Variants in DCLK1 observed in about 807,000 individuals in gnomAD.
DCLK1 encodes serine/threonine-protein kinase DCLK1.
In DCLK1, 16 loss-of-function variants were observed where a neutral mutation model predicts 86.2. The observed-to-expected ratio is 0.19, with a 90% CI of 0.13 to 0.28. The LOEUF (loss-of-function observed/expected upper bound fraction) is 0.28. Among genes scored for constraint, DCLK1 ranks in the 10% least tolerant of loss-of-function variants. DCLK1 has a pLI of 1.00. For missense variants in DCLK1, 590 were observed against 940.2 expected, an observed-to-expected ratio of 0.63 and a Z score of 4.87; for synonymous variants, 369 against 370.5, an observed-to-expected ratio of 1.00 and a Z score of 0.05.
At chr13:36,106,897 CAA>C (rs896750163) in intron 3 of DCLK1, among the ~76,000 whole-genome samples, 1 of 152,044 alleles carries the variant, frequency 6.6e-6, no homozygotes, top group Non-Finnish European at 1.5e-5. Context: ...ACTCTAAACC[CAA>C]GAGTCGACCA....
chr13:36,032,734 G>A (rs957261838), intron 3 of DCLK1, among the ~76,000 whole-genome samples: 8 of 152,126 alleles, frequency 5.3e-5, no homozygotes, highest in Non-Finnish European at 1.0e-4. Flanking sequence ...CCCCGGGAGC[G>A]GCCGTCGATG....
chr13:35,915,267 G>C (rs1875338572), intron 4 of DCLK1, among the ~76,000 whole-genome samples: 1 of 152,212 alleles, frequency 6.6e-6, no homozygotes, highest in African/African-American at 2.4e-5. Context: ...GAACCATGCT[G>C]AAGAGAATAA....
chr13:35,930,849 G>A (rs1435505987), intron 4 of DCLK1, among the ~76,000 whole-genome samples: 1 of 152,166 alleles, frequency 6.6e-6, no homozygotes, highest in Non-Finnish European at 1.5e-5. Flanking sequence ...ACTTCAATGA[G>A]TCAAACATTT....
chr13:35,794,205 C>T (rs1228957407), intron 15 of DCLK1, among the ~76,000 whole-genome samples: 1 of 152,170 alleles, frequency 6.6e-6, no homozygotes, highest in African/African-American at 2.4e-5. Context: ...CCACCACTTA[C>T]TAGAGTTCAT....
intron 2 of DCLK1, among the ~76,000 whole-genome samples, chr13:36,121,987 A>C (rs966763103): frequency 6.6e-6 from 1 of 152,208 alleles, no homozygotes; most frequent in Admixed American, 6.5e-5. Context: ...AAGAAAAAGA[A>C]ACTAGTAAAG....
intron 10 of DCLK1, among the ~76,000 whole-genome samples, 155 bp from the exon 11 acceptor site, chr13:35,823,030 G>A (rs1043243771): frequency 9.2e-5 from 14 of 152,096 alleles, no homozygotes; most frequent in Non-Finnish European, 2.1e-4. Flanking sequence ...TCAAAGGCTC[G>A]AAGGCTGAAT....
chr13:35,930,227 C>T (rs925354846), intron 4 of DCLK1, among the ~76,000 whole-genome samples: 1 of 152,198 alleles, frequency 6.6e-6, no homozygotes, highest in Non-Finnish European at 1.5e-5. Context: ...CCCAAGAATA[C>T]TTGACATGCA....
chr13:36,055,423 C>G (rs960482596), intron 3 of DCLK1, among the ~76,000 whole-genome samples: 20 of 152,276 alleles, frequency 1.3e-4, no homozygotes, highest in Admixed American at 2.6e-4. Flanking sequence ...GCTGACTATT[C>G]CTAACCAGCT....
chr13:36,075,868 C>A (rs535040110), intron 3 of DCLK1, among the ~76,000 whole-genome samples: 102 of 151,908 alleles, frequency 6.7e-4, no homozygotes, highest in African/African-American at 2.0e-3. Context: ...AACACACACA[C>A]AAAAAAATTA....
intron 15 of DCLK1, among the ~76,000 whole-genome samples, chr13:35,797,496 C>T (rs1027703818): frequency 6.6e-6 from 1 of 152,140 alleles, no homozygotes; most frequent in African/African-American, 2.4e-5. Flanking sequence ...CTTTAAATTC[C>T]AGTGAAGGTT....
At chr13:35,840,355 G>A (rs1869704180) in intron 6 of DCLK1, among the ~76,000 whole-genome samples, 2 of 152,058 alleles carry the variant, frequency 1.3e-5, no homozygotes, top group Non-Finnish European at 2.9e-5. Flanking sequence ...TAATAGAGTT[G>A]GGGAAATGCT....
chr13:36,111,730 G>T (rs1044414780), intron 3 of DCLK1, 139 bp downstream of exon 3: 3 of 674,164 alleles, frequency 4.4e-6, no homozygotes, highest in African/African-American at 1.8e-5. Flanking sequence ...CTGTTCTAGG[G>T]CCAGCAAGTA....
intron 3 of DCLK1, among the ~76,000 whole-genome samples, chr13:35,959,242 A>G (rs1391626029): frequency 6.6e-6 from 1 of 152,206 alleles, no homozygotes; most frequent in African/African-American, 2.4e-5. Context: ...TGAGTGAGTA[A>G]CATGGGGCTG....
intron 2 of DCLK1, among the ~76,000 whole-genome samples, chr13:36,115,334 AAC>A (rs1368552322): frequency 6.6e-6 from 1 of 152,198 alleles, no homozygotes; most frequent in African/African-American, 2.4e-5. Context: ...ATCTTAAACA[AAC>A]AAACAAACAA....
At chr13:35,990,428 G>A (rs1470274797) in intron 3 of DCLK1, among the ~76,000 whole-genome samples, 1 of 151,964 alleles carries the variant, frequency 6.6e-6, no homozygotes, top group African/African-American at 2.4e-5. Context: ...ATTGGCTATT[G>A]CGCCTCTGAT....
At chr13:35,918,738 C>T (rs965788222) in intron 4 of DCLK1, among the ~76,000 whole-genome samples, 3 of 151,838 alleles carry the variant, frequency 2.0e-5, no homozygotes, top group African/African-American at 7.3e-5. Flanking sequence ...CATGACTGGC[C>T]GTATCTACCT....
At position 35,788,136 on chromosome 13, in the gene DCLK1, C is replaced by T; in HGVS notation, c.2058+5230G>A. 1.5e-6 allele frequency: 2 copies of T among 1,361,590 alleles called. 1 individual carries two copies. 84.3% of individuals were successfully genotyped at this position (1,361,590 alleles called of 1,614,324 possible). A position where few individuals can be genotyped will look rare whatever the true frequency, so the allele number is the denominator to read the frequency against. The stretch of plus-strand genomic sequence containing the variant: ...AACAAATCAAAAGCATGTTTATCCA[C>T]CGAAGGAACTGGTTAATGGAGACTG... On this transcript the variant is annotated intron_variant, in intron 16 of 16. Coordinates refer to ENST00000360631, the MANE Select transcript of DCLK1 (RefSeq NM_001330071.2).
At chr13:35,853,557 T>A (rs1870816200) in intron 6 of DCLK1, among the ~76,000 whole-genome samples, 1 of 152,196 alleles carries the variant, frequency 6.6e-6, no homozygotes, top group South Asian at 2.1e-4. Flanking sequence ...GAGAGGGCCT[T>A]CCATCCTGGA....
chr13:35,775,843 C>T (rs2153097011), intron 16 of DCLK1, among the ~76,000 whole-genome samples: 1 of 152,298 alleles, frequency 6.6e-6, no homozygotes, highest in South Asian at 2.1e-4. Context: ...AACTAAGCCC[C>T]TCATACAATT....
Sources: allele counts gnomAD v4.1 joint callset (sites outside exome capture counted in the v4.1 genomes callset), GRCh38; gene constraint gnomAD v4.1.1; transcripts MANE v1.5; gene names NCBI Gene and HGNC (gene_info 2026-07-23, HGNC 2026-07-21).